PCDHGA3: variants seen among roughly 807,000 people sequenced by gnomAD.
PCDHGA3 encodes the protein protocadherin gamma subfamily A, 3, also known as protocadherin gamma-A3.
In PCDHGA3, 40 loss-of-function variants were observed where a neutral mutation model predicts 58.5. That is an observed-to-expected ratio of 0.68 (90% CI 0.53 to 0.89). The LOEUF (loss-of-function observed/expected upper bound fraction) is 0.89. Ranked by LOEUF, PCDHGA3 falls within the 40% of genes least tolerant of loss-of-function variation. The pLI is 0.00. For synonymous variants in PCDHGA3, 530 were observed against 525.7 expected (o/e 1.01, Z -0.11); for missense variants, 1,223 against 1,195.9 (o/e 1.02, Z -0.33).
chr5:141,415,783 A>G, intron 1 of PCDHGA3: 1 of 1,344,604 alleles, frequency 7.4e-7, no homozygotes, highest in Non-Finnish European at 9.5e-7. Context: ...ACTTTCTGGT[A>G]AAATTCACCT....
Position 141,491,670 on chromosome 5 carries a change from C to T in PCDHGA3, c.2425-3137C>T. The T allele has an allele frequency of 2.5e-6, 4 of 1,613,768 alleles. No individual in the cohort carries two copies. Among genetic ancestry groups the T allele is most frequent in the South Asian group, 1.1e-5 (1 of 91,082 alleles). On this transcript the variant is annotated intron_variant, in intron 1 of 3. Coordinates refer to ENST00000253812, the MANE Select transcript of PCDHGA3 (RefSeq NM_018916.4). The surrounding 1 kb of genome is among the most constrained non-coding windows in gnomAD (Gnocchi z 6.9). ...CGCTGGAGCCTGACGCCATCCGGTC[C>T]CGCTCTAATACGCTGCGGGAGCGGA...
intron 1 of PCDHGA3, chr5:141,405,099 T>C: frequency 6.2e-7 from 1 of 1,613,942 alleles, no homozygotes; most frequent in East Asian, 2.2e-5. Flanking sequence ...GCCCTCAGGC[T>C]GAGGCACTGG....
At position 141,432,834 on chromosome 5, in the gene PCDHGA3, A is replaced by G; in HGVS notation, c.2425-61973A>G. 6.2e-7 allele frequency: 1 copy of G among 1,614,082 alleles called. No homozygotes were observed. The highest frequency in any genetic ancestry group is 8.5e-7 in the Non-Finnish European group (1 of 1,179,978). ...TCTGAAACCTCAGACCTCACTCTGTACCTGGTGGTAGCGGTGGCCGCGGTC... is the reference window on the plus strand; with the variant it reads ...TCTGAAACCTCAGACCTCACTCTGTGCCTGGTGGTAGCGGTGGCCGCGGTC... On this transcript the variant is annotated intron_variant, in intron 1 of 3. Transcript: ENST00000253812. This position sits in a 1 kb window ranked among gnomAD's most constrained non-coding sequence, Gnocchi z 6.0.
intron 1 of PCDHGA3, among the ~76,000 whole-genome samples, chr5:141,463,088 C>T (rs768488458): frequency 6.6e-6 from 1 of 152,108 alleles, no homozygotes; most frequent in Non-Finnish European, 1.5e-5. Flanking sequence ...ATTTTCCAGC[C>T]CTATGTGACC....
At chr5:141,502,866 C>CTTT (rs549047197) in intron 2 of PCDHGA3, among the ~76,000 whole-genome samples, 3 of 128,046 alleles carry the variant, frequency 2.3e-5, no homozygotes, top group African/African-American at 9.3e-5. Context: ...GACTCTCTGT[C>CTTT]TTTTTTTTTT....
chr5:141,455,616 A>G (rs2154565146), intron 1 of PCDHGA3, among the ~76,000 whole-genome samples: 1 of 152,244 alleles, frequency 6.6e-6, no homozygotes, highest in South Asian at 2.1e-4. Flanking sequence ...GGATGTTCTA[A>G]ACACGTGGAG....
At chr5:141,445,781 G>A (rs1424622281) in intron 1 of PCDHGA3, among the ~76,000 whole-genome samples, 25 of 152,112 alleles carry the variant, frequency 1.6e-4, no homozygotes, top group Admixed American at 1.6e-3. Flanking sequence ...AAAGGGCTAG[G>A]GAGGCTAGAA....
intron 1 of PCDHGA3, chr5:141,427,090 A>G: frequency 2.2e-6 from 1 of 458,214 alleles, no homozygotes; most frequent in East Asian, 6.9e-5. Context: ...GACCAGGATG[A>G]GGGTGTCAAT....
At chr5:141,403,743 C>A (rs1165597254) in intron 1 of PCDHGA3, 1 of 1,613,856 alleles carries the variant, frequency 6.2e-7, no homozygotes, top group Non-Finnish European at 8.5e-7. Context: ...CTGCTTACTG[C>A]AACAGCCAGC....
chr5:141,348,552 A>G (rs1758140457), intron 1 of PCDHGA3, among the ~76,000 whole-genome samples: 1 of 152,260 alleles, frequency 6.6e-6, no homozygotes, highest in Non-Finnish European at 1.5e-5. Context: ...TAAGAATTCT[A>G]TATGAAACAT....
chr5:141,374,494 A>G (rs1307461844), intron 1 of PCDHGA3: 12 of 1,611,426 alleles, frequency 7.4e-6, no homozygotes, highest in Non-Finnish European at 9.3e-6. Context: ...TAAAGGAAGA[A>G]TTGGAAGTGA....
intron 1 of PCDHGA3, chr5:141,427,019 CAA>C (rs1369360584): frequency 8.8e-6 from 4 of 456,798 alleles, no homozygotes; most frequent in Admixed American, 2.3e-5. Flanking sequence ...AGGATGTATA[CAA>C]AGTCAGCCTT....
chr5:141,347,497 A>T (rs1757974142), intron 1 of PCDHGA3, among the ~76,000 whole-genome samples: 1 of 152,084 alleles, frequency 6.6e-6, no homozygotes, highest in Admixed American at 6.6e-5. Context: ...TGGAGAACAA[A>T]AATGTAGAGG....
intron 1 of PCDHGA3, chr5:141,389,075 A>T: frequency 6.2e-7 from 1 of 1,614,066 alleles, no homozygotes; most frequent in Non-Finnish European, 8.5e-7. Context: ...CTTCTTCAAG[A>T]AACACGTATA....
intron 1 of PCDHGA3, chr5:141,350,828 G>A (rs766864652): frequency 1.2e-6 from 2 of 1,614,010 alleles, no homozygotes; most frequent in Admixed American, 3.3e-5. Flanking sequence ...TAAATATCCG[G>A]TATTACTGCT....
rs770017999 is a variant in PCDHGA3 at position 141,344,084 on chromosome 5, C to A, written c.51C>A (p.Cys17Ter). Residue 17 changes from cysteine (C) to a stop codon, truncating the protein, a stop_gained, in exon 1 of 4, where the codon TGC becomes TGA. Coordinates refer to ENST00000253812, the MANE Select transcript of PCDHGA3 (RefSeq NM_018916.4). LOFTEE classifies it high-confidence loss of function. ...FRNGRGLALL[C>*]ALLGTLCETG... ...ATGGCAGAGGACTGGCCCTGCTGTGCGCGCTCCTGGGGACGCTGTGCGAAA... is the reference window on the plus strand; with the variant it reads ...ATGGCAGAGGACTGGCCCTGCTGTGAGCGCTCCTGGGGACGCTGTGCGAAA... 2 of 1,611,182 alleles carry A rather than the reference C, an allele frequency of 1.2e-6. No individual in the cohort carries two copies. The highest frequency in any genetic ancestry group is 1.3e-5 in the African/African-American group (1 of 74,954).
intron 1 of PCDHGA3, chr5:141,422,303 A>AAAAC: frequency 6.5e-7 from 1 of 1,548,740 alleles, no homozygotes; most frequent in Non-Finnish European, 8.7e-7. Flanking sequence ...TCAATTCTGG[A>AAAAC]AAACTCTCCT....
chr5:141,489,990 A>G lies in PCDHGA3; in HGVS notation c.2425-4817A>G. ...TCCAATCCTCAGTTCTACGTGTGGG[A>G]ATCCCAGAGAATGCACCCATTGGTA... is the stretch of plus-strand genomic sequence containing the variant. On this transcript the variant is annotated intron_variant, in intron 1 of 3. Transcript: ENST00000253812. This position sits in a 1 kb window ranked among gnomAD's most constrained non-coding sequence, Gnocchi z 4.5. 6.2e-7 allele frequency: 1 copy of G among 1,614,256 alleles called. No individual in the cohort carries two copies. Among genetic ancestry groups the G allele is most frequent in the Non-Finnish European group, 8.5e-7 (1 of 1,180,030 alleles).
chr5:141,437,978 C>T (rs1014157103), intron 1 of PCDHGA3, among the ~76,000 whole-genome samples: 2 of 152,212 alleles, frequency 1.3e-5, no homozygotes, highest in East Asian at 1.9e-4. Context: ...TCTTGGGATG[C>T]ACCCACCCCA....
Sources: allele counts gnomAD v4.1 joint callset (sites outside exome capture counted in the v4.1 genomes callset), GRCh38; gene constraint gnomAD v4.1.1; non-coding constraint Gnocchi (gnomAD v3.1); transcripts MANE v1.5; gene names NCBI Gene and HGNC (gene_info 2026-07-23, HGNC 2026-07-21).